The following EMC3 variants were observed in gnomAD, a reference collection of about 807,000 sequenced individuals.
EMC3 encodes 30 kDa protein.
Under a neutral mutation model 36.6 loss-of-function variants are expected in EMC3, and 13 were observed. That is an observed-to-expected ratio of 0.35 (90% CI 0.23 to 0.56). EMC3 has a LOEUF of 0.56. Among genes scored for constraint, EMC3 ranks in the 20% least tolerant of loss-of-function variants. The probability of loss-of-function intolerance (pLI) is 0.84; values close to 1 mark genes in which losing one functional copy is unlikely to be tolerated. For missense variants in EMC3, 220 were observed against 324.5 expected, an observed-to-expected ratio of 0.68 and a Z score of 2.47; for synonymous variants, 120 against 111.9, an observed-to-expected ratio of 1.07 and a Z score of -0.46.
chr3:10,001,337 G>A (rs559156915), intron 1 of EMC3, among the ~76,000 whole-genome samples: 20 of 150,130 alleles, frequency 1.3e-4, no homozygotes, highest in South Asian at 1.1e-3. Context: ...CGAGGTGGGC[G>A]GATCACGAGG....
intron 1 of EMC3, chr3:9,981,704 G>A (rs1008375953): frequency 1.7e-5 from 7 of 414,754 alleles, no homozygotes; most frequent in African/African-American, 1.3e-4. Context: ...CAAAGTGCTG[G>A]GATTATAGGT....
chr3:9,999,541 A>AT (rs914481901), intron 1 of EMC3, among the ~76,000 whole-genome samples: 6 of 152,012 alleles, frequency 3.9e-5, no homozygotes, highest in Admixed American at 6.6e-5. Flanking sequence ...ATCTGGCCTT[A>AT]TTTTTTATGT....
intron 1 of EMC3, chr3:10,003,640 G>C (rs892024300): frequency 1.5e-5 from 3 of 204,298 alleles, no homozygotes; most frequent in African/African-American, 6.9e-5. Context: ...CCCAAGGCTG[G>C]CTCCCTTGGC....
At chr3:10,007,920 C>T (rs1369152663) in intron 1 of EMC3, among the ~76,000 whole-genome samples, 1 of 152,130 alleles carries the variant, frequency 6.6e-6, no homozygotes, top group African/African-American at 2.4e-5. Flanking sequence ...TTCTCCTTCC[C>T]CAATAAAGAA....
At chr3:9,972,438 TG>T (rs1342564657) in intron 5 of EMC3, among the ~76,000 whole-genome samples, 1 of 136,140 alleles carries the variant, frequency 7.3e-6, no homozygotes, top group Non-Finnish European at 1.6e-5. Context: ...AAACCACCCA[TG>T]GCATTTTCAG....
chr3:9,967,735 G>A (rs982660080), intron 7 of EMC3, among the ~76,000 whole-genome samples: 13 of 152,276 alleles, frequency 8.5e-5, no homozygotes, highest in African/African-American at 3.1e-4. Flanking sequence ...GTCAATTTCT[G>A]CAAGAATGGC....
intron 1 of EMC3, among the ~76,000 whole-genome samples, chr3:9,992,287 A>AT (rs1003209679): frequency 1.1e-4 from 16 of 150,712 alleles, no homozygotes; most frequent in East Asian, 2.0e-4. Flanking sequence ...CGACTGGCCA[A>AT]TTTTTTTTTG....
chr3:9,993,780 T>C (rs1559356844), intron 1 of EMC3, among the ~76,000 whole-genome samples: 1 of 145,100 alleles, frequency 6.9e-6, no homozygotes, highest in African/African-American at 2.6e-5. Flanking sequence ...TGATCACTTC[T>C]TTTAAAAAAG....
intron 1 of EMC3, among the ~76,000 whole-genome samples, chr3:10,002,015 A>G (rs1183903305): frequency 6.6e-6 from 1 of 152,028 alleles, no homozygotes; most frequent in Non-Finnish European, 1.5e-5. Flanking sequence ...ATACATATAT[A>G]TATATTGAAA....
upstream of EMC3, among the ~76,000 whole-genome samples, chr3:9,989,788 C>T (rs951007900): frequency 9.2e-5 from 14 of 151,948 alleles, no homozygotes; most frequent in African/African-American, 3.4e-4. Context: ...AATTTGTATT[C>T]TTTTTTCTCA....
intron 1 of EMC3, chr3:10,002,955 A>G (rs529877376): frequency 4.6e-5 from 21 of 451,698 alleles, no homozygotes; most frequent in Non-Finnish European, 6.7e-5. Context: ...CCCTGGCTCA[A>G]CAAGCCTTCC....
chr3:10,001,768 C>T (rs769714414), intron 1 of EMC3, among the ~76,000 whole-genome samples: 34 of 151,706 alleles, frequency 2.2e-4, no homozygotes, highest in Non-Finnish European at 3.5e-4. Flanking sequence ...GAGACCGAGG[C>T]GGGCAGATCA....
chr3:10,000,700 A>T, intron 1 of EMC3: 1 of 474,488 alleles, frequency 2.1e-6, no homozygotes, highest in South Asian at 1.5e-5. Flanking sequence ...CCTTCTTCTT[A>T]ATGCCGGCAA....
chr3:9,973,217 CAG>C (rs1244009706), intron 5 of EMC3, among the ~76,000 whole-genome samples: 4 of 141,894 alleles, frequency 2.8e-5, no homozygotes, highest in East Asian at 2.2e-4. Flanking sequence ...TGTTTTCAGA[CAG>C]AGTCTCGCTC....
In EMC3 at chr3:9,963,723, G is replaced by A. The variant is rs925855957; in HGVS notation, c.*346C>T. The A allele has an allele frequency of 2.9e-5, 5 of 170,766 alleles. No individual in the cohort carries two copies. The South Asian group carries it at 5.3e-4, about 18-fold the overall frequency. The allele number at this position is 170,766 out of a possible 1,614,324, so 10.6% of individuals were successfully genotyped here. ...GAACTCCTGATCTCGTGACCCACCCGCCTCAGCCTCCCAAAATCCTGGGAT... is the reference window on the plus strand; with the variant it reads ...GAACTCCTGATCTCGTGACCCACCCACCTCAGCCTCCCAAAATCCTGGGAT... On this transcript the variant is annotated 3_prime_UTR_variant, in exon 8 of 8. Transcript: ENST00000245046.
intron 1 of EMC3, among the ~76,000 whole-genome samples, chr3:9,980,566 T>C (rs1373224611): frequency 1.7e-4 from 25 of 150,394 alleles, no homozygotes; most frequent in African/African-American, 6.1e-4. Context: ...TTTTTTTTTT[T>C]TTGTAGAGAC....
intron 1 of EMC3, among the ~76,000 whole-genome samples, chr3:10,010,566 A>G (rs1457807757): frequency 6.6e-6 from 1 of 151,832 alleles, no homozygotes; most frequent in Non-Finnish European, 1.5e-5. Flanking sequence ...CCCCACCTCT[A>G]TGGGGAGTTT....
intron 3 of EMC3, among the ~76,000 whole-genome samples, chr3:9,976,308 G>A (rs1189150195): frequency 6.6e-6 from 1 of 152,090 alleles, no homozygotes; most frequent in East Asian, 1.9e-4. Context: ...GTTTCATCAT[G>A]TAAACCAGGC....
upstream of EMC3, among the ~76,000 whole-genome samples, chr3:9,991,017 A>G (rs550979627): frequency 1.8e-3 from 266 of 151,798 alleles, 2 homozygotes; most frequent in Non-Finnish European, 2.7e-3. Context: ...TTTAGTAGAG[A>G]CGGGGTTTCA....
Sources: gnomAD v4.1 joint callset for allele counts (sites outside exome capture counted in the v4.1 genomes callset) on GRCh38, gnomAD v4.1.1 for gene constraint, MANE v1.5 for transcripts, NCBI Gene and HGNC (gene_info 2026-07-23, HGNC 2026-07-21) for gene names.